Variants in ZMYND19 observed in about 807,000 individuals in gnomAD.
ZMYND19 encodes zinc finger MYND domain-containing protein 19.
A neutral mutation model predicts 32.0 loss-of-function variants in ZMYND19; 17 were observed. That is an observed-to-expected ratio of 0.53 (90% CI 0.36 to 0.80). The LOEUF is 0.80. ZMYND19 is among the 30% of genes least tolerant of loss of function. The pLI is 0.00. For missense variants in ZMYND19, 250 were observed against 293.6 expected (o/e 0.85, Z 1.09); for synonymous variants, 124 against 113.6 (o/e 1.09, Z -0.58).
At chr9:137,588,859 G>T in intron 1 of ZMYND19, 141 bp from the exon 2 acceptor site, 1 of 865,296 alleles carries the variant, frequency 1.2e-6, no homozygotes. Context: ...GACCAAGACA[G>T]CTCAGCACAT....
At chr9:137,584,308 C>T (rs1012138499) in intron 4 of ZMYND19, among the ~76,000 whole-genome samples, 1 of 152,260 alleles carries the variant, frequency 6.6e-6, no homozygotes, top group Non-Finnish European at 1.5e-5. Context: ...GCAGCCCCAG[C>T]GCAACTCGTC....
At chr9:137,589,216 G>T in intron 1 of ZMYND19, 1 of 385,026 alleles carries the variant, frequency 2.6e-6, no homozygotes, top group Non-Finnish European at 3.6e-6. Context: ...GCCATCATGG[G>T]TGGAGTTAGA....
chr9:137,582,912 C>T, intron 5 of ZMYND19, 71 bp downstream of exon 5: 1 of 1,581,512 alleles, frequency 6.3e-7, no homozygotes, highest in South Asian at 1.2e-5. Flanking sequence ...CGGTGGAGGG[C>T]AAGATCCCAA....
intron 4 of ZMYND19, among the ~76,000 whole-genome samples, chr9:137,584,104 C>A (rs1252282271): frequency 6.6e-6 from 1 of 152,274 alleles, no homozygotes; most frequent in Non-Finnish European, 1.5e-5. Flanking sequence ...CACACAGCAC[C>A]CAGCCAGACA....
Position 137,590,151 on chromosome 9 carries a change from C to A in ZMYND19, c.51+62G>T. The A allele has an allele frequency of 8.1e-6, 8 of 993,470 alleles. No individual in the cohort carries two copies. Among genetic ancestry groups the A allele is most frequent in the East Asian group, 1.1e-4 (1 of 9,300 alleles). 61.5% of individuals were successfully genotyped at this position (993,470 alleles called of 1,614,324 possible). On this transcript the variant is annotated intron_variant, in intron 1 of 5. Coordinates refer to ENST00000298585, the MANE Select transcript of ZMYND19 (RefSeq NM_138462.3). The surrounding 1 kb of genome is among the most constrained non-coding windows in gnomAD (Gnocchi z 4.2). The stretch of plus-strand genomic sequence containing the variant: ...CGGCCGCCGCCCGCACAACCGCCCC[C>A]GGCCCCGCGCGGAGGCCTGGACGGG...
intron 1 of ZMYND19, chr9:137,589,720 T>C (rs1842248578): frequency 1.0e-6 from 1 of 985,344 alleles, no homozygotes; most frequent in Non-Finnish European, 1.2e-6. Flanking sequence ...AAAACGAGCC[T>C]GAAGCCCTGC....
intron 1 of ZMYND19, chr9:137,589,629 C>G (rs1842247375): frequency 3.0e-6 from 3 of 985,356 alleles, no homozygotes; most frequent in South Asian, 9.4e-5. Context: ...GGCCCTGAGT[C>G]TGCAGCATCA....
chr9:137,589,419 A>C, intron 1 of ZMYND19: 1 of 985,396 alleles, frequency 1.0e-6, no homozygotes, highest in Non-Finnish European at 1.2e-6. Context: ...GCCGCCTGAC[A>C]CTGCCTCGGC....
In ZMYND19 at chr9:137,584,647, C is replaced by T. The variant is rs149710911; in HGVS notation, c.360-1484G>A. Among the ~76,000 whole-genome samples the T allele has an allele frequency of 1.9e-3, 295 of 152,336 alleles. 2 individuals carry two copies. Among genetic ancestry groups the T allele is most frequent in the African/African-American group, 6.9e-3 (285 of 41,580 alleles). ...CTGAGCATGTATCAATGTGGGACAACGCAGGAGGAGATGCTACAGATGCTG... is the reference window on the plus strand; with the variant it reads ...CTGAGCATGTATCAATGTGGGACAATGCAGGAGGAGATGCTACAGATGCTG... On this transcript the variant is annotated intron_variant, in intron 4 of 5. Coordinates refer to ENST00000298585, the MANE Select transcript of ZMYND19 (RefSeq NM_138462.3).
Position 137,590,171 on chromosome 9 carries a change from G to A in ZMYND19, c.51+42C>T. ...GCCCCCGGCCCCGCGCGGAGGCCTGGACGGGCGAGACGGGCCGGGTCGCGG... is the reference window on the plus strand; with the variant it reads ...GCCCCCGGCCCCGCGCGGAGGCCTGAACGGGCGAGACGGGCCGGGTCGCGG... On this transcript the variant is annotated intron_variant, in intron 1 of 5. Coordinates refer to ENST00000298585, the MANE Select transcript of ZMYND19 (RefSeq NM_138462.3). The surrounding 1 kb of genome is among the most constrained non-coding windows in gnomAD (Gnocchi z 4.2). 1.9e-6 allele frequency: 2 copies of A among 1,030,078 alleles called. No individual in the cohort carries two copies. Among genetic ancestry groups the A allele is most frequent in the Non-Finnish European group, 2.3e-6 (2 of 859,126 alleles). The allele number at this position is 1,030,078 out of a possible 1,614,324, so 63.8% of individuals were successfully genotyped here. A position where few individuals can be genotyped will look rare whatever the true frequency, so the allele number is the denominator to read the frequency against.
At chr9:137,584,304 C>A (rs766866456) in intron 4 of ZMYND19, among the ~76,000 whole-genome samples, 1 of 152,250 alleles carries the variant, frequency 6.6e-6, no homozygotes, top group Non-Finnish European at 1.5e-5. Flanking sequence ...GGCAGCAGCC[C>A]CAGCGCAACT....
chr9:137,588,835 T>C, intron 1 of ZMYND19, 117 bp from the exon 2 acceptor site: 2 of 1,183,316 alleles, frequency 1.7e-6, no homozygotes, highest in African/African-American at 1.5e-5. Context: ...GGAAAGTAAC[T>C]ACAGGCCTCT....
intron 4 of ZMYND19, among the ~76,000 whole-genome samples, chr9:137,586,583 A>G (rs946099719): frequency 1.3e-5 from 2 of 151,918 alleles, no homozygotes; most frequent in African/African-American, 4.8e-5. Context: ...AGGTGAGCAG[A>G]GAAGGAAGGA....
intron 3 of ZMYND19, 142 bp downstream of exon 3, chr9:137,587,575 G>A (rs1439239548): frequency 4.1e-6 from 3 of 733,874 alleles, no homozygotes; most frequent in Non-Finnish European, 7.2e-6. Context: ...TGGGTTAGTG[G>A]TGAAGGACAC....
chr9:137,587,044 C>A lies in ZMYND19; in HGVS notation c.282G>T (p.Val94=). The A allele has an allele frequency of 1.9e-6, 3 of 1,611,738 alleles. No homozygotes were observed. Among genetic ancestry groups the A allele is most frequent in the Non-Finnish European group, 2.5e-6 (3 of 1,180,018 alleles). The change falls in exon 4 of 6, where the codon GTG becomes GTT. Residue 94 remains valine, a synonymous_variant. Coordinates refer to ENST00000298585, the MANE Select transcript of ZMYND19 (RefSeq NM_138462.3). ...FQVVHLNAVT[V]DNRLDNLQLV... is the part of the protein sequence containing the mutation. Reference sequence around the variant, plus strand: ...GTTGCAGGTTGTCCAGGCGATTGTCCACGGTCACAGCGTTGAGGTGCACCA... The same window carrying A: ...GTTGCAGGTTGTCCAGGCGATTGTCAACGGTCACAGCGTTGAGGTGCACCA...
At chr9:137,588,924 A>G in intron 1 of ZMYND19, 1 of 570,178 alleles carries the variant, frequency 1.8e-6, no homozygotes, top group South Asian at 2.2e-5. Context: ...ACACAGGCAG[A>G]CAGGTTAAAA....
At chr9:137,589,749 G>A (rs1842248804) in intron 1 of ZMYND19, 2 of 985,502 alleles carry the variant, frequency 2.0e-6, no homozygotes, top group South Asian at 4.7e-5. Flanking sequence ...GGGAGGCACA[G>A]AAGAGCCCAC....
intron 3 of ZMYND19, 127 bp from the exon 4 acceptor site, chr9:137,587,234 T>G: frequency 4.9e-6 from 7 of 1,427,882 alleles, no homozygotes; most frequent in Non-Finnish European, 6.5e-6. Flanking sequence ...ATCGGGCCCC[T>G]GGTCCTTTGG....
rs776432210 is a variant in ZMYND19 at position 137,587,731 on chromosome 9, A to G, written c.204T>C (p.Leu68=). 5.6e-6 allele frequency: 9 copies of G among 1,614,080 alleles called. No homozygotes were observed. Among genetic ancestry groups the G allele is most frequent in the Non-Finnish European group, 7.6e-6 (9 of 1,179,996 alleles). Residue 68 remains leucine, a synonymous_variant, in exon 3 of 6, where the codon CTT becomes CTC. Coordinates refer to ENST00000298585, the MANE Select transcript of ZMYND19 (RefSeq NM_138462.3). ...GAAACACCCACCACAGCAGCTCATG[A>G]AGGAGTCTCCCAGAGCCCCTTCCTC... ...KNRGRGSGRL[L]HELLWERHRG...
Sources: gnomAD v4.1 joint callset for allele counts (sites outside exome capture counted in the v4.1 genomes callset) on GRCh38, gnomAD v4.1.1 for gene constraint, Gnocchi (gnomAD v3.1) non-coding constraint, MANE v1.5 for transcripts, NCBI Gene and HGNC (gene_info 2026-07-23, HGNC 2026-07-21) for gene names.